SEC11A: variants seen among roughly 807,000 people sequenced by gnomAD.
SEC11A encodes signal peptidase complex catalytic subunit SEC11A.
In SEC11A, 14 loss-of-function variants were observed where a neutral mutation model predicts 25.6. The ratio of observed to expected loss-of-function variants is 0.55; its 90% CI spans 0.36 to 0.85. SEC11A has a LOEUF of 0.85. Among genes scored for constraint, SEC11A ranks in the 40% least tolerant of loss-of-function variants. SEC11A has a pLI of 0.01. For missense variants in SEC11A, 153 were observed against 222.9 expected, an observed-to-expected ratio of 0.69 and a Z score of 2.00; for synonymous variants, 83 against 76.4, an observed-to-expected ratio of 1.09 and a Z score of -0.45.
At chr15:84,713,162 C>G (rs1898339507) in intron 1 of SEC11A, among the ~76,000 whole-genome samples, 1 of 150,486 alleles carries the variant, frequency 6.6e-6, no homozygotes, top group Admixed American at 6.6e-5. Flanking sequence ...CTACTGCACT[C>G]CAGCCTGGGC....
At chr15:84,687,365 TAC>T (rs1897458594) in intron 3 of SEC11A, among the ~76,000 whole-genome samples, 1 of 152,174 alleles carries the variant, frequency 6.6e-6, no homozygotes, top group African/African-American at 2.4e-5. Context: ...TGGAATTATA[TAC>T]AGAGTCACTG....
chr15:84,709,370 A>C (rs575476121), intron 1 of SEC11A, among the ~76,000 whole-genome samples: 1 of 152,102 alleles, frequency 6.6e-6, no homozygotes, highest in Non-Finnish European at 1.5e-5. Context: ...TAAAAATAGA[A>C]TGTTTAAGGG....
At chr15:84,700,221 A>T (rs570304804) in intron 1 of SEC11A, among the ~76,000 whole-genome samples, 23 of 151,486 alleles carry the variant, frequency 1.5e-4, no homozygotes, top group Non-Finnish European at 2.4e-4. Context: ...ACATGCAAAG[A>T]GGCAAGAAAA....
chr15:84,702,616 T>C (rs1897981428), intron 1 of SEC11A, among the ~76,000 whole-genome samples: 1 of 152,142 alleles, frequency 6.6e-6, no homozygotes, highest in African/African-American at 2.4e-5. Context: ...TAAATATATT[T>C]ATACCAATAT....
intron 1 of SEC11A, among the ~76,000 whole-genome samples, chr15:84,705,380 G>A (rs1186426956): frequency 1.3e-5 from 2 of 152,150 alleles, no homozygotes; most frequent in Non-Finnish European, 2.9e-5. Flanking sequence ...CCAGCTAGGT[G>A]GCAACACTTT....
At chr15:84,706,289 G>A (rs1898091779) in intron 1 of SEC11A, among the ~76,000 whole-genome samples, 1 of 152,130 alleles carries the variant, frequency 6.6e-6, no homozygotes, top group Non-Finnish European at 1.5e-5. Flanking sequence ...TGTTAAGACT[G>A]CTACTTGGTC....
At position 84,670,749 on chromosome 15, in the gene SEC11A, G is replaced by A; in HGVS notation, c.465C>T (p.Leu155=). 6.8e-7 allele frequency: 1 copy of A among 1,460,808 alleles called. No individual in the cohort carries two copies. The highest frequency in any genetic ancestry group is 9.4e-7 in the Non-Finnish European group (1 of 1,067,828). The allele number at this position is 1,460,808 out of a possible 1,614,324, so 90.5% of individuals were successfully genotyped here. A position where few individuals can be genotyped will look rare whatever the true frequency, so the allele number is the denominator to read the frequency against. ...FVPYIGIVTI[L]MNDYPKFKYA... ...CCTTAAATTTAGGATAGTCATTCATGAGGATCGTCACAATTCCAATATAAG... is the reference window on the plus strand; with the variant it reads ...CCTTAAATTTAGGATAGTCATTCATAAGGATCGTCACAATTCCAATATAAG... Residue 155 remains leucine (L), a synonymous_variant, in exon 5 of 6, where the codon CTC becomes CTT. Coordinates refer to ENST00000268220, the MANE Select transcript of SEC11A (RefSeq NM_014300.4).
In SEC11A at chr15:84,684,926, G is replaced by A. The variant is rs145212770; in HGVS notation, c.311+2699C>T. The stretch of plus-strand genomic sequence containing the variant: ...AGCCTGGGCGAAAGAGCGAGACTCC[G>A]TCTCAAAAGAAAAAACAAAAAACAA... On this transcript the variant is annotated intron_variant, in intron 3 of 5. Transcript: ENST00000268220. Among the ~76,000 whole-genome samples the A allele has an allele frequency of 0.016, 2,434 of 152,050 alleles. 185 individuals are homozygous for A. In the East Asian group the frequency reaches 0.24, roughly 15 times the overall value.
intron 1 of SEC11A, among the ~76,000 whole-genome samples, chr15:84,697,968 T>A (rs1897816339): frequency 6.6e-6 from 1 of 152,230 alleles, no homozygotes; most frequent in South Asian, 2.1e-4. Flanking sequence ...ATAATATCTC[T>A]CAGCAGCTGT....
chr15:84,700,917 T>C (rs889006937), intron 1 of SEC11A, among the ~76,000 whole-genome samples: 1 of 144,200 alleles, frequency 6.9e-6, no homozygotes, highest in African/African-American at 2.6e-5. Context: ...AAGGCAGAGG[T>C]TGCAGTAAGC....
At position 84,687,778 on chromosome 15, in the gene SEC11A, G is replaced by C; in HGVS notation, c.162-4C>G. On this transcript the variant is annotated splice_polypyrimidine_tract_variant and splice_region_variant and intron_variant, in intron 2 of 5. Coordinates refer to ENST00000268220, the MANE Select transcript of SEC11A (RefSeq NM_014300.4). Reference sequence around the variant, plus strand: ...AAATGCAGGTTCCATGCTGCCACTGGAAGGGAAAGAAGAATATAACAGCAA... The same window carrying C: ...AAATGCAGGTTCCATGCTGCCACTGCAAGGGAAAGAAGAATATAACAGCAA... 7 of 1,585,558 alleles carry C rather than the reference G, an allele frequency of 4.4e-6. No homozygotes were observed. Among genetic ancestry groups the C allele is most frequent in the Non-Finnish European group, 6.0e-6 (7 of 1,172,680 alleles).
chr15:84,673,018 C>A, intron 4 of SEC11A: 1 of 203,504 alleles, frequency 4.9e-6, no homozygotes, highest in Non-Finnish European at 1.0e-5. Flanking sequence ...TGAGGAGTCC[C>A]TCCGCCCGGC....
chr15:84,711,806 C>T (rs991713365), intron 1 of SEC11A, among the ~76,000 whole-genome samples: 7 of 147,164 alleles, frequency 4.8e-5, no homozygotes, highest in African/African-American at 1.3e-4. Context: ...AAAAAAGAAG[C>T]CGTACTCCAA....
chr15:84,713,069 C>T (rs947894779), intron 1 of SEC11A, among the ~76,000 whole-genome samples: 9 of 152,030 alleles, frequency 5.9e-5, no homozygotes, highest in African/African-American at 2.2e-4. Context: ...TGGCGGGTGC[C>T]TGTAGTCCCA....
chr15:84,705,083 C>G (rs1367865740), intron 1 of SEC11A, among the ~76,000 whole-genome samples: 1 of 152,064 alleles, frequency 6.6e-6, no homozygotes, highest in Non-Finnish European at 1.5e-5. Context: ...TACCACCACG[C>G]CTGGCTAATA....
intron 1 of SEC11A, among the ~76,000 whole-genome samples, chr15:84,701,564 G>A (rs537229470): frequency 6.6e-6 from 1 of 151,648 alleles, no homozygotes; most frequent in African/African-American, 2.4e-5. Flanking sequence ...AAATGTAAAT[G>A]ATCTAAATAC....
chr15:84,699,476 G>T (rs1897863821), intron 1 of SEC11A, among the ~76,000 whole-genome samples: 2 of 152,182 alleles, frequency 1.3e-5, no homozygotes, highest in African/African-American at 4.8e-5. Context: ...ATATGACTGT[G>T]TTCAGGTAGT....
At chr15:84,691,026 GGAGTTCT>G (rs2141895567) in intron 2 of SEC11A, among the ~76,000 whole-genome samples, 2 of 151,548 alleles carry the variant, frequency 1.3e-5, no homozygotes, top group South Asian at 4.2e-4. Flanking sequence ...TGAGCCCTTT[GGAGTTCT>G]GAATGGAAAT....
rs71132694 is a variant in SEC11A at position 84,670,258 on chromosome 15, C to CTT, written c.490-191_490-190dup. The CTT allele has an allele frequency of 4.0e-3, 1,162 of 290,312 alleles. 1 individual carries two copies. The highest frequency in any genetic ancestry group is 6.7e-3 in the South Asian group (159 of 23,682). The allele number at this position is 290,312 out of a possible 1,614,324, so 18.0% of individuals were successfully genotyped here. On this transcript the variant is annotated intron_variant, in intron 5 of 5. Coordinates refer to ENST00000268220, the MANE Select transcript of SEC11A (RefSeq NM_014300.4). The stretch of plus-strand genomic sequence containing the variant: ...ATATCACATTTCTTTAAATAATTTT[C>CTT]TTTTTTTTTTTTTTTTGAGACAGTC...
Sources: gnomAD v4.1 joint callset for allele counts (sites outside exome capture counted in the v4.1 genomes callset) on GRCh38, gnomAD v4.1.1 for gene constraint, MANE v1.5 for transcripts, NCBI Gene and HGNC (gene_info 2026-07-23, HGNC 2026-07-21) for gene names.